Variants in MTX2 observed in about 807,000 individuals in gnomAD.
MTX2 encodes metaxin 2.
A neutral mutation model predicts 42.3 loss-of-function variants in MTX2; 35 were observed. The ratio of observed to expected loss-of-function variants is 0.83; its 90% CI spans 0.63 to 1.10. The LOEUF (loss-of-function observed/expected upper bound fraction) is 1.10. Among genes scored for constraint, MTX2 ranks in the 50% least tolerant of loss-of-function variants. The pLI is 0.00. For synonymous variants in MTX2, 119 were observed against 100.9 expected (o/e 1.18, Z -1.08); for missense variants, 307 against 304.1 (o/e 1.01, Z -0.07).
At chr2:176,275,893 T>A (rs1692936049) in intron 1 of MTX2, among the ~76,000 whole-genome samples, 1 of 152,190 alleles carries the variant, frequency 6.6e-6, no homozygotes, top group African/African-American at 2.4e-5. Context: ...TGTTGAGCAC[T>A]AAACAGCAGA....
intron 8 of MTX2, among the ~76,000 whole-genome samples, chr2:176,330,109 A>AATCT (rs1483297213): frequency 1.3e-5 from 2 of 151,104 alleles, no homozygotes; most frequent in East Asian, 3.9e-4. Flanking sequence ...AATAAATAAA[A>AATCT]ATCTATCTCC....
At chr2:176,296,117 G>A (rs980258805) in intron 1 of MTX2, among the ~76,000 whole-genome samples, 2 of 152,140 alleles carry the variant, frequency 1.3e-5, no homozygotes, top group African/African-American at 2.4e-5. Context: ...TGGGAGGTTG[G>A]TAATATTCTC....
intron 5 of MTX2, among the ~76,000 whole-genome samples, chr2:176,327,272 G>A (rs1488301678): frequency 6.6e-6 from 1 of 150,974 alleles, no homozygotes; most frequent in Admixed American, 6.6e-5. Flanking sequence ...TACAGGATTT[G>A]TTTGAAGTTG....
chr2:176,298,487 G>A (rs1467835005), intron 3 of MTX2, among the ~76,000 whole-genome samples: 2 of 152,052 alleles, frequency 1.3e-5, no homozygotes, highest in Non-Finnish European at 2.9e-5. Context: ...TAGTGCCCCT[G>A]TAAACTTTAA....
chr2:176,325,240 T>G (rs1209961615), intron 4 of MTX2, among the ~76,000 whole-genome samples: 1 of 151,778 alleles, frequency 6.6e-6, no homozygotes, highest in African/African-American at 2.4e-5. Flanking sequence ...GTGATTATTC[T>G]GTCTAAGACG....
chr2:176,269,533 G>T lies in MTX2; in HGVS notation c.-97G>T, dbSNP rs1410310754. 2.2e-6 allele frequency: 3 copies of T among 1,367,564 alleles called. No homozygotes were observed. Among genetic ancestry groups the T allele is most frequent in the Admixed American group, 4.6e-5 (2 of 43,656 alleles). The allele number at this position is 1,367,564 out of a possible 1,614,324, so 84.7% of individuals were successfully genotyped here. A position where few individuals can be genotyped will look rare whatever the true frequency, so the allele number is the denominator to read the frequency against. On this transcript the variant is annotated 5_prime_UTR_variant, in exon 1 of 10. Transcript: ENST00000249442. ...CTTTGCGAGTCTGAACGTTGGCGGGGCTAGGCTCGTTAACTGCCGAGAGCC... is the reference window on the plus strand; with the variant it reads ...CTTTGCGAGTCTGAACGTTGGCGGGTCTAGGCTCGTTAACTGCCGAGAGCC...
chr2:176,289,981 GAA>G (rs1399904239), intron 1 of MTX2, among the ~76,000 whole-genome samples: 1 of 152,032 alleles, frequency 6.6e-6, no homozygotes, highest in African/African-American at 2.4e-5. Flanking sequence ...ACTAGAAAGA[GAA>G]ATAAGATATT....
intron 3 of MTX2, among the ~76,000 whole-genome samples, chr2:176,313,435 C>T (rs1684365967): frequency 6.8e-6 from 1 of 147,034 alleles, no homozygotes; most frequent in Non-Finnish European, 1.5e-5. Flanking sequence ...CTCTGTCTCC[C>T]AGACTGGAGT....
intron 9 of MTX2, among the ~76,000 whole-genome samples, chr2:176,336,773 A>G (rs556836751): frequency 6.6e-6 from 1 of 152,274 alleles, no homozygotes; most frequent in Admixed American, 6.5e-5. Context: ...AAACTCCAAG[A>G]AAAGTTATAT....
At chr2:176,329,848 A>T (rs1259610866) in intron 8 of MTX2, among the ~76,000 whole-genome samples, 4 of 148,096 alleles carry the variant, frequency 2.7e-5, no homozygotes, top group African/African-American at 7.4e-5. Context: ...ATCAGGGCTT[A>T]AAAAAAAAGC....
chr2:176,292,360 A>G (rs1693348730), intron 1 of MTX2, among the ~76,000 whole-genome samples: 1 of 152,212 alleles, frequency 6.6e-6, no homozygotes, highest in African/African-American at 2.4e-5. Flanking sequence ...TGTTGTTTTA[A>G]AATGACTTTC....
rs77026399 is a variant in MTX2 at position 176,293,854 on chromosome 2, C to T, written c.41-3006C>T. On this transcript the variant is annotated intron_variant, in intron 1 of 9. Coordinates refer to ENST00000249442, the MANE Select transcript of MTX2 (RefSeq NM_006554.5). ...TGATATTTATATTCTCTGAGCTGCT[C>T]ATAGGTAAGATAGGCAGCTGTTCAT... Among the ~76,000 whole-genome samples, 16 of 152,276 alleles carry T rather than the reference C, an allele frequency of 1.1e-4. 1 individual carries two copies. In the East Asian group the frequency reaches 3.1e-3, roughly 29 times the overall value.
At chr2:176,273,351 C>T (rs567606514) in intron 1 of MTX2, among the ~76,000 whole-genome samples, 6 of 152,170 alleles carry the variant, frequency 3.9e-5, no homozygotes, top group Admixed American at 3.3e-4. Flanking sequence ...AAATGTGACT[C>T]AAATCCAGCA....
intron 3 of MTX2, among the ~76,000 whole-genome samples, chr2:176,310,256 G>C (rs2105426729): frequency 7.2e-6 from 1 of 138,468 alleles, no homozygotes; most frequent in East Asian, 2.0e-4. Flanking sequence ...TGGTTTGTAG[G>C]GTTTCTGCCG....
chr2:176,289,503 A>T (rs558496783), intron 1 of MTX2, among the ~76,000 whole-genome samples: 10 of 152,212 alleles, frequency 6.6e-5, no homozygotes, highest in Admixed American at 1.3e-4. Context: ...TTAATAACTA[A>T]TTGGATATGC....
chr2:176,307,832 T>C (rs1020610229), intron 3 of MTX2, among the ~76,000 whole-genome samples: 11 of 152,188 alleles, frequency 7.2e-5, no homozygotes, highest in African/African-American at 2.7e-4. Flanking sequence ...TATACAATCA[T>C]ATCATCTGCA....
chr2:176,303,032 T>C (rs1316295951), intron 3 of MTX2, among the ~76,000 whole-genome samples: 1 of 152,124 alleles, frequency 6.6e-6, no homozygotes, highest in Non-Finnish European at 1.5e-5. Flanking sequence ...TAAATGGCCA[T>C]AGTAGACAGC....
intron 9 of MTX2, among the ~76,000 whole-genome samples, chr2:176,332,354 T>TA (rs1684882544): frequency 6.6e-6 from 1 of 151,412 alleles, no homozygotes; most frequent in Non-Finnish European, 1.5e-5. Flanking sequence ...CTTTGTGAGA[T>TA]ACTATGTTGA....
chr2:176,304,075 C>T (rs949774429), intron 3 of MTX2, among the ~76,000 whole-genome samples: 33 of 151,968 alleles, frequency 2.2e-4, no homozygotes, highest in East Asian at 7.7e-4. Context: ...TATACAATAT[C>T]AACATAATCA....
Sources: gnomAD v4.1 joint callset for allele counts (sites outside exome capture counted in the v4.1 genomes callset) on GRCh38, gnomAD v4.1.1 for gene constraint, MANE v1.5 for transcripts, NCBI Gene and HGNC (gene_info 2026-07-23, HGNC 2026-07-21) for gene names.